Variants in LARGE1 observed in about 807,000 individuals in gnomAD.
LARGE1 encodes xylosyl- and glucuronyltransferase LARGE1.
A neutral mutation model predicts 87.6 loss-of-function variants in LARGE1; 43 were observed. The ratio of observed to expected loss-of-function variants is 0.49; its 90% CI spans 0.38 to 0.63. The LOEUF (loss-of-function observed/expected upper bound fraction) is 0.63, where lower values mean the gene tolerates loss of function less well. LARGE1 is among the 30% of genes least tolerant of loss of function. The pLI, the probability that LARGE1 is intolerant of heterozygous loss-of-function variation, is 0.00. For synonymous variants in LARGE1, 434 were observed against 394.6 expected (o/e 1.10, Z -1.18); for missense variants, 802 against 1,000.2 (o/e 0.80, Z 2.67).
intron 9 of LARGE1, among the ~76,000 whole-genome samples, chr22:33,368,479 A>G (rs1236129161): frequency 6.8e-6 from 1 of 146,514 alleles, no homozygotes; most frequent in Non-Finnish European, 1.5e-5. Flanking sequence ...GGTTGCAGTG[A>G]GCTGAGATCA....
chr22:33,145,881 A>G, the LARGE1 span, among the ~76,000 whole-genome samples: 15 of 152,310 alleles, frequency 9.8e-5, no homozygotes, highest in South Asian at 3.1e-3. Context: ...ACAGTTTCTT[A>G]TTTGTCATTC....
intron 9 of LARGE1, among the ~76,000 whole-genome samples, chr22:33,344,212 CT>C (rs1303287185): frequency 6.6e-6 from 1 of 152,216 alleles, no homozygotes; most frequent in Non-Finnish European, 1.5e-5. Flanking sequence ...CAAGTTGACA[CT>C]CAGTTTTAAC....
At chr22:33,860,291 C>G (rs2063877559) in intron 1 of LARGE1, among the ~76,000 whole-genome samples, 1 of 152,078 alleles carries the variant, frequency 6.6e-6, no homozygotes, top group Non-Finnish European at 1.5e-5. Context: ...GATGCCTGGC[C>G]TTTTTTGAAT....
At chr22:33,129,066 A>C in the LARGE1 span, among the ~76,000 whole-genome samples, 1 of 152,368 alleles carries the variant, frequency 6.6e-6, no homozygotes, top group Non-Finnish European at 1.5e-5. Context: ...CATATCCTGC[A>C]CATGTACCCC....
At chr22:33,512,340 T>TA (rs1407943827) in intron 6 of LARGE1, among the ~76,000 whole-genome samples, 10 of 152,304 alleles carry the variant, frequency 6.6e-5, no homozygotes, top group Middle Eastern at 3.4e-3. Flanking sequence ...GAATGTCTTT[T>TA]AAAAAATTAT....
At chr22:33,202,238 C>T (rs889487689) in intron 11 of LARGE1, among the ~76,000 whole-genome samples, 4 of 152,190 alleles carry the variant, frequency 2.6e-5, no homozygotes, top group Admixed American at 6.5e-5. Context: ...CTCCCCACTC[C>T]CAACTTTAGA....
At chr22:33,869,005 C>T (rs371189678) in intron 1 of LARGE1, among the ~76,000 whole-genome samples, 3 of 152,124 alleles carry the variant, frequency 2.0e-5, no homozygotes, top group East Asian at 1.9e-4. Context: ...GGGCCATGAA[C>T]GAGGCTCCAA....
At chr22:33,787,590 C>T (rs570635178) in intron 1 of LARGE1, among the ~76,000 whole-genome samples, 2 of 152,240 alleles carry the variant, frequency 1.3e-5, no homozygotes, top group African/African-American at 2.4e-5. Flanking sequence ...TGCATGAAGC[C>T]GTTCCCAACA....
intron 6 of LARGE1, among the ~76,000 whole-genome samples, chr22:33,465,320 T>C (rs1323741924): frequency 6.6e-6 from 1 of 152,358 alleles, no homozygotes; most frequent in East Asian, 1.9e-4. Context: ...ATCCAAAATT[T>C]GGTGCAATAG....
chr22:33,695,762 A>C (rs2051564), intron 2 of LARGE1, among the ~76,000 whole-genome samples: 68,123 of 152,000 alleles, frequency 0.45, 15,396 homozygotes, highest in Middle Eastern at 0.54. Context: ...GTTACATATA[A>C]TGAAATGCAC....
At chr22:33,102,737 C>T in the LARGE1 span, among the ~76,000 whole-genome samples, 7 of 152,154 alleles carry the variant, frequency 4.6e-5, no homozygotes, top group South Asian at 6.2e-4. Flanking sequence ...GTGACCCGTC[C>T]GCCTCGGCTT....
chr22:33,909,600 A>G (rs1022255434), intron 1 of LARGE1, among the ~76,000 whole-genome samples: 1 of 151,368 alleles, frequency 6.6e-6, no homozygotes, highest in Non-Finnish European at 1.5e-5. Context: ...GTGCAGTGGC[A>G]TGATATCGGC....
intron 2 of LARGE1, among the ~76,000 whole-genome samples, chr22:33,761,145 C>A (rs1036345207): frequency 2.6e-5 from 4 of 151,990 alleles, no homozygotes; most frequent in African/African-American, 9.7e-5. Flanking sequence ...TCTGTACCCA[C>A]CACACTCCCA....
At chr22:33,723,600 A>T (rs1415560452) in intron 2 of LARGE1, among the ~76,000 whole-genome samples, 1 of 152,208 alleles carries the variant, frequency 6.6e-6, no homozygotes, top group African/African-American at 2.4e-5. Context: ...AATCAAGGGA[A>T]AAGGGACATG....
At chr22:33,612,968 G>C (rs1227880722) in intron 4 of LARGE1, among the ~76,000 whole-genome samples, 3 of 152,310 alleles carry the variant, frequency 2.0e-5, no homozygotes, top group South Asian at 4.1e-4. Context: ...TGTCCAGAAG[G>C]CAGAGTAAAT....
intron 2 of LARGE1, chr22:33,727,772 A>C (rs1267263494): frequency 6.6e-6 from 1 of 152,288 alleles, no homozygotes; most frequent in Non-Finnish European, 1.5e-5. Context: ...ACCTGAAACT[A>C]GTTCCTCTCT....
chr22:33,520,602 C>T (rs535356865), intron 6 of LARGE1, among the ~76,000 whole-genome samples: 16 of 152,368 alleles, frequency 1.1e-4, no homozygotes, highest in Non-Finnish European at 1.5e-4. Context: ...GCCACATCAG[C>T]TTGCAGCTGC....
intron 11 of LARGE1, among the ~76,000 whole-genome samples, chr22:33,226,593 A>C (rs143741257): frequency 0.013 from 1,983 of 152,298 alleles, 27 homozygotes; most frequent in Non-Finnish European, 0.017. Flanking sequence ...TCCTACAATT[A>C]CAATTCCAAC....
At chr22:33,593,187 C>T (rs759069966) in intron 5 of LARGE1, among the ~76,000 whole-genome samples, 2 of 149,112 alleles carry the variant, frequency 1.3e-5, no homozygotes, top group Non-Finnish European at 3.0e-5. Context: ...TATTTTGAGA[C>T]CAGGTTATGA....
Sources: gnomAD v4.1 joint callset for allele counts (sites outside exome capture counted in the v4.1 genomes callset) on GRCh38, gnomAD v4.1.1 for gene constraint, MANE v1.5 for transcripts, NCBI Gene and HGNC (gene_info 2026-07-23, HGNC 2026-07-21) for gene names.